HSPA5: variants seen among roughly 807,000 people sequenced by gnomAD.
The protein encoded by HSPA5 is endoplasmic reticulum chaperone BiP.
In HSPA5, 16 loss-of-function variants were observed where a neutral mutation model predicts 49.5. The observed-to-expected ratio is 0.32, with a 90% CI of 0.22 to 0.49. The LOEUF is 0.49. HSPA5 is among the 20% of genes least tolerant of loss of function. HSPA5 has a pLI of 0.99. For missense variants in HSPA5, 376 were observed against 819.0 expected (o/e 0.46, Z 6.60); for synonymous variants, 271 against 307.2 (o/e 0.88, Z 1.23).
In HSPA5 at chr9:125,238,764, ACTT is replaced by A; in HGVS notation, c.1057_1059del (p.Lys353del). The A allele has an allele frequency of 6.2e-7, 1 of 1,614,174 alleles. No individual in the cohort carries two copies. Among genetic ancestry groups the A allele is most frequent in the Non-Finnish European group, 8.5e-7 (1 of 1,180,030 alleles). ...ACAAGAACAATTTCATCAATATCAGACTTCTTCAAATCAGAATCTTCCAACACT... is the reference window on the plus strand; with the variant it reads ...ACAAGAACAATTTCATCAATATCAGACTTCAAATCAGAATCTTCCAACACT... On this transcript the variant is annotated inframe_deletion, in exon 6 of 8. Coordinates refer to ENST00000324460, the MANE Select transcript of HSPA5 (RefSeq NM_005347.5).
In HSPA5 at chr9:125,238,560, A is replaced by C. The variant is rs761130217; in HGVS notation, c.1234+30T>G. On this transcript the variant is annotated intron_variant, in intron 6 of 7. Coordinates refer to ENST00000324460, the MANE Select transcript of HSPA5 (RefSeq NM_005347.5). ...GAGTCTTCCATCAAGCTACTGAATCACTAAGAAAGATGCTGCGATGATGAC... is the reference window on the plus strand; with the variant it reads ...GAGTCTTCCATCAAGCTACTGAATCCCTAAGAAAGATGCTGCGATGATGAC... The C allele has an allele frequency of 2.0e-5, 31 of 1,535,722 alleles. No homozygotes were observed. The East Asian group carries it at 6.1e-4, about 30-fold the overall frequency.
chr9:125,240,914 G>C lies in HSPA5; in HGVS notation c.123-7C>G, dbSNP rs767852270. On this transcript the variant is annotated splice_region_variant and splice_polypyrimidine_tract_variant and intron_variant, in intron 1 of 7. Coordinates refer to ENST00000324460, the MANE Select transcript of HSPA5 (RefSeq NM_005347.5). This position sits in a 1 kb window ranked among gnomAD's most constrained non-coding sequence, Gnocchi z 4.4. ...GTTCTTGAACACGCCGACGCTGGCA[G>C]AAAAACCCGACAGAGGGACATCAGC... The C allele has an allele frequency of 2.5e-6, 4 of 1,613,636 alleles. No individual in the cohort carries two copies. In the African/African-American group the frequency reaches 4.0e-5, roughly 16 times the overall value.
intron 7 of HSPA5, among the ~76,000 whole-genome samples, chr9:125,237,834 G>A (rs1050645514): frequency 4.6e-5 from 7 of 152,132 alleles, no homozygotes; most frequent in South Asian, 4.1e-4. Flanking sequence ...TGGCGTGGTG[G>A]CTCACGCCTA....
In HSPA5 at chr9:125,239,836, T is replaced by C. The variant is rs1237717045; in HGVS notation, c.493-303A>G. On this transcript the variant is annotated intron_variant, in intron 3 of 7. Transcript: ENST00000324460. The surrounding 1 kb of genome is among the most constrained non-coding windows in gnomAD (Gnocchi z 5.5). ...CCGGGAGGCAGAGGTTGCAGTGAGC[T>C]GAGATCGTGCCACTGCAGTCCAGCC... Among the ~76,000 whole-genome samples, 4 of 151,586 alleles carry C rather than the reference T, an allele frequency of 2.6e-5. No homozygotes were observed. The highest frequency in any genetic ancestry group is 7.3e-5 in the African/African-American group (3 of 41,254).
In HSPA5 at chr9:125,235,980, C is replaced by T. The variant is rs1832486089; in HGVS notation, c.*612G>A. The T allele has an allele frequency of 1.3e-5, 2 of 151,818 alleles. No individual in the cohort carries two copies. The highest frequency in any genetic ancestry group is 2.1e-4 in the South Asian group (1 of 4,810). 9.4% of individuals were successfully genotyped at this position (151,818 alleles called of 1,614,324 possible). A position where few individuals can be genotyped will look rare whatever the true frequency, so the allele number is the denominator to read the frequency against. On this transcript the variant is annotated 3_prime_UTR_variant, in exon 8 of 8. Coordinates refer to ENST00000324460, the MANE Select transcript of HSPA5 (RefSeq NM_005347.5). ...AAAGATGTGGATTAACTTCTCTCCC[C>T]TTTTCTTAGATTAATGCAAAAGCCG...
rs1305624187 is a variant in HSPA5, at chr9:125,240,481, T to G, written c.355-172A>C. Reference sequence around the variant, plus strand: ...ACAAAGTTCAGTTTTAATCGGTCTTTTATTCCTAAACTATCGTAGACAGTA... The same window carrying G: ...ACAAAGTTCAGTTTTAATCGGTCTTGTATTCCTAAACTATCGTAGACAGTA... On this transcript the variant is annotated intron_variant, in intron 2 of 7. Coordinates refer to ENST00000324460, the MANE Select transcript of HSPA5 (RefSeq NM_005347.5). The surrounding 1 kb of genome is among the most constrained non-coding windows in gnomAD (Gnocchi z 4.4). Among the ~76,000 whole-genome samples the G allele has an allele frequency of 2.0e-5, 3 of 152,244 alleles. No individual in the cohort carries two copies. The highest frequency in any genetic ancestry group is 4.4e-5 in the Non-Finnish European group (3 of 68,042).
Position 125,239,642 on chromosome 9 carries a change from G to T in HSPA5, c.493-109C>A. On this transcript the variant is annotated intron_variant, in intron 3 of 7. Transcript: ENST00000324460. This position sits in a 1 kb window ranked among gnomAD's most constrained non-coding sequence, Gnocchi z 5.5. ...GCCTATAATCCCAGCACTTTGGGAG[G>T]CTGAGGCAGGAGGATCACCTGAGGG... The T allele has an allele frequency of 4.9e-6, 4 of 817,580 alleles. No homozygotes were observed. The highest frequency in any genetic ancestry group is 8.0e-6 in the Non-Finnish European group (4 of 498,378). The allele number at this position is 817,580 out of a possible 1,614,324, so 50.6% of individuals were successfully genotyped here. A position where few individuals can be genotyped will look rare whatever the true frequency, so the allele number is the denominator to read the frequency against.
chr9:125,240,773 G>A lies in HSPA5; in HGVS notation c.257C>T (p.Ser86Phe). 6.2e-7 allele frequency: 1 copy of A among 1,614,238 alleles called. No individual in the cohort carries two copies. ...GTCAAAGACCGTGTTCTCGGGGTTG[G>A]AGGTGAGCTGGTTCTTGGCGGCATC... ...IGDAAKNQLTSNPENTVFDAK... is the reference protein window; with the variant it reads ...IGDAAKNQLTFNPENTVFDAK... The change falls in exon 2 of 8, where the codon TCC (serine) becomes TTC (phenylalanine). Residue 86 changes from serine (S) to phenylalanine (F), a missense_variant. Physicochemically the swap from Ser to Phe is radical, Grantham distance 155. Transcript: ENST00000324460. This position sits in a 1 kb window ranked among gnomAD's most constrained non-coding sequence, Gnocchi z 4.4.
chr9:125,238,432 C>G, intron 6 of HSPA5, 124 bp from the exon 7 acceptor site: 1 of 1,000,384 alleles, frequency 1.0e-6, no homozygotes, highest in South Asian at 1.5e-5. Flanking sequence ...TAAACAGTTG[C>G]TAATGATCTT....
At position 125,235,467 on chromosome 9, in the gene HSPA5, TAG is replaced by T. The variant is rs1351740508; in HGVS notation, c.*1123_*1124del. The T allele has an allele frequency of 6.6e-6, 1 of 152,198 alleles. No individual in the cohort carries two copies. Among genetic ancestry groups the T allele is most frequent in the Non-Finnish European group, 1.5e-5 (1 of 68,060 alleles). The allele number at this position is 152,198 out of a possible 1,614,324, so 9.4% of individuals were successfully genotyped here. A position where few individuals can be genotyped will look rare whatever the true frequency, so the allele number is the denominator to read the frequency against. On this transcript the variant is annotated 3_prime_UTR_variant, in exon 8 of 8. Coordinates refer to ENST00000324460, the MANE Select transcript of HSPA5 (RefSeq NM_005347.5). Reference sequence around the variant, plus strand: ...CACCCGCCTTGGCCTCCCAAAGTGCTAGGATTACAATATTGGATTTTATGTTA... The same window carrying T: ...CACCCGCCTTGGCCTCCCAAAGTGCTGATTACAATATTGGATTTTATGTTA...
In HSPA5 at chr9:125,241,113, A is replaced by G. The variant is rs1279993952; in HGVS notation, c.14T>C (p.Leu5Pro). Residue 5 changes from leucine to proline, a missense_variant, in exon 1 of 8, where the codon CTG becomes CCG. Coordinates refer to ENST00000324460, the MANE Select transcript of HSPA5 (RefSeq NM_005347.5). MKLS[L>P]VAAMLLLLSA... ...GAGCAGCAGCAGCATCGCGGCCACC[A>G]GGGAGAGCTTCATCTTGCCAGCCAG... 1 of 1,612,080 alleles carries G rather than the reference A, an allele frequency of 6.2e-7. No individual in the cohort carries two copies. The highest frequency in any genetic ancestry group is 8.5e-7 in the Non-Finnish European group (1 of 1,179,384).
In HSPA5 at chr9:125,236,541, A is replaced by C. The variant is rs745994144; in HGVS notation, c.*51T>G. On this transcript the variant is annotated 3_prime_UTR_variant, in exon 8 of 8. Coordinates refer to ENST00000324460, the MANE Select transcript of HSPA5 (RefSeq NM_005347.5). ...AAGTTCTTTCAATTTTTTCCTAACAAAAGTTCCTGAGTCCAGTATTTACAA... is the reference window on the plus strand; with the variant it reads ...AAGTTCTTTCAATTTTTTCCTAACACAAGTTCCTGAGTCCAGTATTTACAA... The C allele has an allele frequency of 1.0e-4, 140 of 1,336,844 alleles. No individual in the cohort carries two copies. The Middle Eastern group carries it at 1.1e-3, about 11-fold the overall frequency. The allele number at this position is 1,336,844 out of a possible 1,614,324, so 82.8% of individuals were successfully genotyped here. A position where few individuals can be genotyped will look rare whatever the true frequency, so the allele number is the denominator to read the frequency against.
rs745994144 is a variant in HSPA5 at position 125,236,541 on chromosome 9, A to G, written c.*51T>C. ...AAGTTCTTTCAATTTTTTCCTAACAAAAGTTCCTGAGTCCAGTATTTACAA... is the reference window on the plus strand; with the variant it reads ...AAGTTCTTTCAATTTTTTCCTAACAGAAGTTCCTGAGTCCAGTATTTACAA... On this transcript the variant is annotated 3_prime_UTR_variant, in exon 8 of 8. Transcript: ENST00000324460. The G allele has an allele frequency of 7.5e-7, 1 of 1,336,964 alleles. No individual in the cohort carries two copies. Among genetic ancestry groups the G allele is most frequent in the Non-Finnish European group, 1.0e-6 (1 of 976,664 alleles). The allele number at this position is 1,336,964 out of a possible 1,614,324, so 82.8% of individuals were successfully genotyped here.
Position 125,239,899 on chromosome 9 carries a change from A to AG in HSPA5, c.492+272_492+273insC, listed in dbSNP as rs1832542995. Among the ~76,000 whole-genome samples, 1 of 152,008 alleles carries AG rather than the reference A, an allele frequency of 6.6e-6. No homozygotes were observed. The highest frequency in any genetic ancestry group is 6.6e-5 in the Admixed American group (1 of 15,244). On this transcript the variant is annotated intron_variant, in intron 3 of 7. Coordinates refer to ENST00000324460, the MANE Select transcript of HSPA5 (RefSeq NM_005347.5). This position sits in a 1 kb window ranked among gnomAD's most constrained non-coding sequence, Gnocchi z 5.5. ...CAAGACTCCATCTCAAAAAAAAAAA[A>AG]TTACAGTCAAACCATCACTTTAGTT...
At position 125,236,559 on chromosome 9, in the gene HSPA5, A is replaced by G. The variant is rs374304928; in HGVS notation, c.*33T>C. ...CCTAACAAAAGTTCCTGAGTCCAGT[A>G]TTTACAATATTACAGCACTAGCAGA... On this transcript the variant is annotated 3_prime_UTR_variant, in exon 8 of 8. Coordinates refer to ENST00000324460, the MANE Select transcript of HSPA5 (RefSeq NM_005347.5). 5 of 1,443,538 alleles carry G rather than the reference A, an allele frequency of 3.5e-6. No individual in the cohort carries two copies. Among genetic ancestry groups the G allele is most frequent in the Non-Finnish European group, 4.7e-6 (5 of 1,064,380 alleles). 89.4% of individuals were successfully genotyped at this position (1,443,538 alleles called of 1,614,324 possible). A position where few individuals can be genotyped will look rare whatever the true frequency, so the allele number is the denominator to read the frequency against.
rs1336637590 is a variant in HSPA5, at chr9:125,240,326, T to G, written c.355-17A>C. ...TTCAACCACCTATTTTAAAGAATTA[T>G]TGTTTTCAGACACAGATACAATGAC... On this transcript the variant is annotated splice_polypyrimidine_tract_variant and intron_variant, in intron 2 of 7. Transcript: ENST00000324460. This position sits in a 1 kb window ranked among gnomAD's most constrained non-coding sequence, Gnocchi z 4.4. 6.3e-7 allele frequency: 1 copy of G among 1,589,970 alleles called. No individual in the cohort carries two copies. Among genetic ancestry groups the G allele is most frequent in the Admixed American group, 1.8e-5 (1 of 55,606 alleles).
In HSPA5 at chr9:125,240,991, G is replaced by A. The variant is rs1257901103; in HGVS notation, c.122+14C>T. ...GGCCACGCCCCGTCCCCCTGCATCC[G>A]CAACCCCACTTACCAGGAGTAGGTG... On this transcript the variant is annotated intron_variant, in intron 1 of 7. Coordinates refer to ENST00000324460, the MANE Select transcript of HSPA5 (RefSeq NM_005347.5). This position sits in a 1 kb window ranked among gnomAD's most constrained non-coding sequence, Gnocchi z 4.4. 45 of 1,611,698 alleles carry A rather than the reference G, an allele frequency of 2.8e-5. No homozygotes were observed. Among genetic ancestry groups the A allele is most frequent in the East Asian group, 4.5e-5 (2 of 44,876 alleles).
chr9:125,239,971 C>A lies in HSPA5; in HGVS notation c.492+201G>T, dbSNP rs1832543988. The stretch of plus-strand genomic sequence containing the variant: ...ATACAACATATAAAATTTTATGTCC[C>A]TGGAATTGTAAGCATTAAATAATAC... On this transcript the variant is annotated intron_variant, in intron 3 of 7. Coordinates refer to ENST00000324460, the MANE Select transcript of HSPA5 (RefSeq NM_005347.5). This position sits in a 1 kb window ranked among gnomAD's most constrained non-coding sequence, Gnocchi z 5.5. 1.3e-5 allele frequency among the ~76,000 whole-genome samples: 2 copies of A among 151,854 alleles called. No individual in the cohort carries two copies. Among genetic ancestry groups the A allele is most frequent in the South Asian group, 4.2e-4 (2 of 4,814 alleles).
intron 5 of HSPA5, 31 bp downstream of exon 5, chr9:125,238,910 T>C (rs1245850859): frequency 6.2e-7 from 1 of 1,602,532 alleles, no homozygotes; most frequent in Non-Finnish European, 8.5e-7. Context: ...TAAGGAGATC[T>C]CATTAGCAAA....
Sources: gnomAD v4.1 joint callset for allele counts (sites outside exome capture counted in the v4.1 genomes callset) on GRCh38, gnomAD v4.1.1 for gene constraint, Gnocchi (gnomAD v3.1) non-coding constraint, MANE v1.5 for transcripts, NCBI Gene and HGNC (gene_info 2026-07-23, HGNC 2026-07-21) for gene names.